ATP11C: variants seen among roughly 807,000 people sequenced by gnomAD.
ATP11C encodes the protein ATPase phospholipid transporting 11C (ATP11C blood group).
Under a neutral mutation model 97.4 loss-of-function variants are expected in ATP11C, and 36 were observed. That is an observed-to-expected ratio of 0.37 (90% CI 0.28 to 0.49). The LOEUF is 0.49. Ranked by LOEUF, ATP11C falls within the 20% of genes least tolerant of loss-of-function variation. The pLI, the probability that ATP11C is intolerant of heterozygous loss-of-function variation, is 0.98. For missense variants in ATP11C, 730 were observed against 824.6 expected, an observed-to-expected ratio of 0.89 and a Z score of 1.40; for synonymous variants, 275 against 290.9, an observed-to-expected ratio of 0.95 and a Z score of 0.56.
At chrX:139,800,013 A>ACCC in intron 8 of ATP11C, 47 bp downstream of exon 8, 1 of 397,130 alleles carries the variant, frequency 2.5e-6, no homozygotes. Flanking sequence ...AGAAAAATAG[A>ACCC]CCCCCCCCCC....
chrX:139,825,910 A>T (rs2083516766), intron 2 of ATP11C, among the ~76,000 whole-genome samples: 1 of 112,416 alleles, frequency 8.9e-6, no homozygotes, highest in Admixed American at 9.4e-5. Context: ...GGTAAAGACT[A>T]GCTAAATAAC....
intron 22 of ATP11C, among the ~76,000 whole-genome samples, 193 bp downstream of exon 22, chrX:139,761,768 C>G (rs1170744226): frequency 9.1e-6 from 1 of 110,106 alleles, no homozygotes; most frequent in Non-Finnish European, 1.9e-5. Flanking sequence ...AAATTCCTAT[C>G]AAAAATTTTG....
intron 1 of ATP11C, among the ~76,000 whole-genome samples, chrX:139,838,907 C>T (rs974848450): frequency 9.2e-6 from 1 of 109,014 alleles, no homozygotes; most frequent in Non-Finnish European, 1.9e-5. Flanking sequence ...GAGATCACAC[C>T]ACTGCACTCC....
In ATP11C at chrX:139,761,952, A is replaced by G. The variant is rs769882780; in HGVS notation, c.2640+9T>C. On this transcript the variant is annotated intron_variant, in intron 22 of 29. Coordinates refer to ENST00000682941, the MANE Select transcript of ATP11C (RefSeq NM_001353812.2). Reference sequence around the variant, plus strand: ...AAAGAAATTAAATTACATATATTTTATCACATACCTTATAGAAGAAGTACT... The same window carrying G: ...AAAGAAATTAAATTACATATATTTTGTCACATACCTTATAGAAGAAGTACT... The G allele has an allele frequency of 3.9e-5, 44 of 1,123,977 alleles. No individual in the cohort carries two copies. The highest frequency in any genetic ancestry group is 5.0e-5 in the Non-Finnish European group (42 of 840,836). The allele number at this position is 1,123,977 out of a possible 1,213,427, so 92.6% of individuals were successfully genotyped here.
intron 20 of ATP11C, among the ~76,000 whole-genome samples, 172 bp from the exon 21 acceptor site, chrX:139,763,590 C>T (rs894654988): frequency 2.8e-4 from 31 of 112,027 alleles, no homozygotes; most frequent in African/African-American, 9.7e-4. Flanking sequence ...GGCTCCAGGA[C>T]GCTCGTAGAT....
chrX:139,804,161 TATGATTACTCCC>T (rs1488458900), intron 6 of ATP11C, among the ~76,000 whole-genome samples: 1 of 111,421 alleles, frequency 9.0e-6, no homozygotes, highest in Non-Finnish European at 1.9e-5. Flanking sequence ...AGTTTAAGCC[TATGATTACTCCC>T]ATTTTAGAGT....
intron 1 of ATP11C, among the ~76,000 whole-genome samples, chrX:139,887,970 C>CAA (rs751646437): frequency 2.9e-4 from 13 of 45,514 alleles, no homozygotes; most frequent in African/African-American, 8.2e-4. Context: ...GACTCCGTCT[C>CAA]AAAAAAAAAA....
intron 24 of ATP11C, among the ~76,000 whole-genome samples, chrX:139,749,061 T>C (rs1471269586): frequency 1.8e-5 from 2 of 111,996 alleles, no homozygotes; most frequent in African/African-American, 6.5e-5. Context: ...CAGACGGGGT[T>C]ATCAGTGGAA....
intron 1 of ATP11C, among the ~76,000 whole-genome samples, chrX:139,847,812 C>T (rs1254055756): frequency 9.0e-6 from 1 of 110,663 alleles, no homozygotes; most frequent in Non-Finnish European, 1.9e-5. Flanking sequence ...TTCCTTGAAA[C>T]TTGGCTGTCT....
chrX:139,876,865 C>A (rs1053687631), intron 1 of ATP11C, among the ~76,000 whole-genome samples: 2 of 112,339 alleles, frequency 1.8e-5, no homozygotes, highest in Non-Finnish European at 3.8e-5. Flanking sequence ...ACTTAAAAAA[C>A]CAAAATGCAG....
chrX:139,836,917 C>A (rs2083758156), intron 1 of ATP11C, among the ~76,000 whole-genome samples: 1 of 111,462 alleles, frequency 9.0e-6, no homozygotes, highest in Non-Finnish European at 1.9e-5. Flanking sequence ...AATTAACTAC[C>A]ATGAGGGCAA....
chrX:139,907,477 G>A (rs780668652), intron 1 of ATP11C, among the ~76,000 whole-genome samples: 14 of 111,413 alleles, frequency 1.3e-4, no homozygotes, highest in Non-Finnish European at 1.7e-4. Context: ...GGCCGGGCAC[G>A]GTGGCTCACA....
intron 18 of ATP11C, among the ~76,000 whole-genome samples, chrX:139,777,150 T>C (rs1157058912): frequency 9.0e-6 from 1 of 110,972 alleles, no homozygotes; most frequent in Non-Finnish European, 1.9e-5. Context: ...ACACAAAGGA[T>C]TGTACTACCT....
At chrX:139,839,243 T>A (rs1335771814) in intron 1 of ATP11C, among the ~76,000 whole-genome samples, 1 of 111,675 alleles carries the variant, frequency 9.0e-6, no homozygotes, top group Non-Finnish European at 1.9e-5. Flanking sequence ...GCAGAGTAAC[T>A]GTTTAATAAG....
chrX:139,812,370 G>C (rs1387399220), intron 5 of ATP11C, among the ~76,000 whole-genome samples: 2 of 111,159 alleles, frequency 1.8e-5, no homozygotes, highest in Non-Finnish European at 3.8e-5. Context: ...TGAAAAATGG[G>C]GGCCTTTGTA....
chrX:139,816,877 T>C lies in ATP11C; in HGVS notation c.304A>G (p.Thr102Ala). 1 of 1,198,271 alleles carries C rather than the reference T, an allele frequency of 8.3e-7. No homozygotes were observed. The highest frequency in any genetic ancestry group is 1.1e-6 in the Non-Finnish European group (1 of 885,282). ...GLPLFFVITV[T>A]AIKQGYEDCL... ...AAGAAATTTACCTGCTTGATGGCTG[T>C]AACAGTTATAACAAAGAAAAGTGGA... Residue 102 changes from threonine (T) to alanine (A), a missense_variant, in exon 4 of 30, where the codon ACA (threonine) becomes GCA (alanine). Physicochemically the swap from Thr to Ala is moderately conservative, Grantham distance 58. Transcript: ENST00000682941.
rs1283381614 is a variant in ATP11C at position 139,740,409 on chromosome X, T to C, written c.3134+582A>G. Reference sequence around the variant, plus strand: ...TGATTCTGAACAAACATCTATCTACTGAACCAAGATGAACTAAATGAACTT... The same window carrying C: ...TGATTCTGAACAAACATCTATCTACCGAACCAAGATGAACTAAATGAACTT... On this transcript the variant is annotated intron_variant, in intron 27 of 29. Transcript: ENST00000682941. 4.5e-5 allele frequency among the ~76,000 whole-genome samples: 5 copies of C among 111,424 alleles called. No homozygotes were observed. The Admixed American group carries it at 4.8e-4, about 11-fold the overall frequency.
At chrX:139,844,079 AAC>A (rs1183748931) in intron 1 of ATP11C, among the ~76,000 whole-genome samples, 3 of 112,004 alleles carry the variant, frequency 2.7e-5, no homozygotes, top group Non-Finnish European at 5.6e-5. Context: ...GCGAAACAGA[AAC>A]AGAGAGAAAC....
At chrX:139,732,451 G>A in intron 28 of ATP11C, 1 of 370,216 alleles carries the variant, frequency 2.7e-6, no homozygotes. Flanking sequence ...CACTCCAAGA[G>A]AAACTGTGAT....
Sources: allele counts gnomAD v4.1 joint callset (sites outside exome capture counted in the v4.1 genomes callset), GRCh38; gene constraint gnomAD v4.1.1; transcripts MANE v1.5; gene names NCBI Gene and HGNC (gene_info 2026-07-23, HGNC 2026-07-21).